Variants in DSCC1 observed in about 807,000 individuals in gnomAD.
DSCC1 encodes the protein DNA replication and sister chromatid cohesion 1.
Under a neutral mutation model 48.2 loss-of-function variants are expected in DSCC1, and 32 were observed. The ratio of observed to expected loss-of-function variants is 0.66; its 90% CI spans 0.50 to 0.89. DSCC1 has a LOEUF of 0.89. DSCC1 is among the 40% of genes least tolerant of loss of function. The probability of loss-of-function intolerance (pLI) is 0.00; values close to 1 mark genes in which losing one functional copy is unlikely to be tolerated. For synonymous variants in DSCC1, 150 were observed against 171.5 expected (o/e 0.87, Z 0.98); for missense variants, 421 against 471.7 (o/e 0.89, Z 1.00).
intron 1 of DSCC1, among the ~76,000 whole-genome samples, chr8:119,854,821 A>T (rs1177892905): frequency 4.6e-5 from 7 of 152,212 alleles, no homozygotes; most frequent in African/African-American, 1.2e-4. Context: ...CAGGTATCTG[A>T]AGAATGGCCA....
In DSCC1 at chr8:119,847,193, T is replaced by C. The variant is rs938476244; in HGVS notation, c.487-113A>G. On this transcript the variant is annotated intron_variant, in intron 3 of 8. Coordinates refer to ENST00000313655, the MANE Select transcript of DSCC1 (RefSeq NM_024094.3). ...ACAGATTAAGGCAATATTTATGCACTAGCTCAGTTTCTTTTGTTAACATGT... is the reference window on the plus strand; with the variant it reads ...ACAGATTAAGGCAATATTTATGCACCAGCTCAGTTTCTTTTGTTAACATGT... The C allele has an allele frequency of 8.9e-6, 7 of 787,168 alleles. No homozygotes were observed. In the African/African-American group the frequency reaches 1.2e-4, roughly 14 times the overall value. The allele number at this position is 787,168 out of a possible 1,614,324, so 48.8% of individuals were successfully genotyped here.
rs550292894 is a variant in DSCC1 at position 119,834,386 on chromosome 8, A to C, written c.*507T>G. 2.0e-5 allele frequency: 3 copies of C among 153,382 alleles called. No homozygotes were observed. Among genetic ancestry groups the C allele is most frequent in the Non-Finnish European group, 4.4e-5 (3 of 68,940 alleles). 9.5% of individuals were successfully genotyped at this position (153,382 alleles called of 1,614,324 possible). ...CAGGCAGAGGAGTAATTATTCAGCC[A>C]ATTTCATGGATGTAAACGATGGATA... is the stretch of plus-strand genomic sequence containing the variant. On this transcript the variant is annotated 3_prime_UTR_variant, in exon 9 of 9. Coordinates refer to ENST00000313655, the MANE Select transcript of DSCC1 (RefSeq NM_024094.3).
intron 7 of DSCC1, chr8:119,840,288 T>G (rs1008052295): frequency 6.6e-6 from 1 of 152,098 alleles, no homozygotes; most frequent in Non-Finnish European, 1.5e-5. Context: ...GAGAGTGCCA[T>G]GAAGGAAAGA....
At chr8:119,836,273 A>C (rs1315103644) in intron 8 of DSCC1, among the ~76,000 whole-genome samples, 4 of 152,304 alleles carry the variant, frequency 2.6e-5, no homozygotes, top group African/African-American at 9.6e-5. Flanking sequence ...ATATCACACC[A>C]CTGCACTCCA....
chr8:119,850,835 G>GA (rs1287716445), intron 2 of DSCC1, among the ~76,000 whole-genome samples: 1 of 152,028 alleles, frequency 6.6e-6, no homozygotes, highest in Non-Finnish European at 1.5e-5. Flanking sequence ...AAACCAAGTG[G>GA]AAACAACTAA....
At chr8:119,854,713 A>G (rs1586585405) in intron 1 of DSCC1, among the ~76,000 whole-genome samples, 1 of 152,300 alleles carries the variant, frequency 6.6e-6, no homozygotes, top group East Asian at 1.9e-4. Context: ...AAGTCCTCAC[A>G]CCTGAGTTCC....
In DSCC1 at chr8:119,855,836, T is replaced by G; in HGVS notation, c.-41A>C. ...AGGAGTCCCGCCGCGCCCGGGTGGC[T>G]GCGGGCTTGGCGGGCAAGAAAGAAG... On this transcript the variant is annotated 5_prime_UTR_variant, in exon 1 of 9. Transcript: ENST00000313655. 2 of 1,420,662 alleles carry G rather than the reference T, an allele frequency of 1.4e-6. No homozygotes were observed. Among genetic ancestry groups the G allele is most frequent in the Non-Finnish European group, 1.8e-6 (2 of 1,086,952 alleles). The allele number at this position is 1,420,662 out of a possible 1,614,324, so 88.0% of individuals were successfully genotyped here.
chr8:119,834,770 G>A lies in DSCC1; in HGVS notation c.*123C>T, dbSNP rs1826650016. 2 of 684,442 alleles carry A rather than the reference G, an allele frequency of 2.9e-6. No individual in the cohort carries two copies. Among genetic ancestry groups the A allele is most frequent in the Non-Finnish European group, 5.2e-6 (2 of 385,140 alleles). The allele number at this position is 684,442 out of a possible 1,614,324, so 42.4% of individuals were successfully genotyped here. On this transcript the variant is annotated 3_prime_UTR_variant, in exon 9 of 9. Transcript: ENST00000313655. The stretch of plus-strand genomic sequence containing the variant: ...ACAGTAGTTTCAAAATGCTTAAGAT[G>A]AGGAGAAAAATGCCTTAGAAGACTA...
chr8:119,855,598 C>A lies in DSCC1; in HGVS notation c.182+16G>T. 1 of 1,532,582 alleles carries A rather than the reference C, an allele frequency of 6.5e-7. No homozygotes were observed. Among genetic ancestry groups the A allele is most frequent in the Non-Finnish European group, 8.8e-7 (1 of 1,141,630 alleles). The allele number at this position is 1,532,582 out of a possible 1,614,324, so 94.9% of individuals were successfully genotyped here. On this transcript the variant is annotated intron_variant, in intron 1 of 8. Coordinates refer to ENST00000313655, the MANE Select transcript of DSCC1 (RefSeq NM_024094.3). ...GGCCGGCCAGAGGCTGGGGGCGCCGCGTGACCAGGGCTCACCTGTGTCCAT... is the reference window on the plus strand; with the variant it reads ...GGCCGGCCAGAGGCTGGGGGCGCCGAGTGACCAGGGCTCACCTGTGTCCAT...
rs757582457 is a variant in DSCC1 at position 119,855,778 on chromosome 8, G to T, written c.18C>A (p.Asp6Glu). ...CGATCTGCAGCGTCGCATCCACCTC[G>T]TCGCGGGTCCTCTTCATCGCAGCGC... Reference protein sequence around the residue: MKRTRDEVDATLQIAK... With the variant: MKRTREEVDATLQIAK... Residue 6 changes from aspartate to glutamate, a missense_variant, in exon 1 of 9, where the codon GAC (aspartate) becomes GAA (glutamate). Asp to Glu is a conservative substitution (Grantham distance 45). This residue lies in a region of DSCC1 where 174 missense variants were observed against 184.5 expected (regional missense o/e 0.94). Transcript: ENST00000313655. 3.9e-6 allele frequency: 6 copies of T among 1,545,896 alleles called. No homozygotes were observed. Among genetic ancestry groups the T allele is most frequent in the Non-Finnish European group, 4.4e-6 (5 of 1,146,562 alleles).
In DSCC1 at chr8:119,843,416, C is replaced by T. The variant is rs528681621; in HGVS notation, c.716+193G>A. 3.9e-5 allele frequency among the ~76,000 whole-genome samples: 6 copies of T among 152,166 alleles called. No individual in the cohort carries two copies. The South Asian group carries it at 1.2e-3, about 32-fold the overall frequency. Reference sequence around the variant, plus strand: ...TTCTTTATATTTTTATGGCCAAAAACAAACAAGATAATGCACATGTATTCA... The same window carrying T: ...TTCTTTATATTTTTATGGCCAAAAATAAACAAGATAATGCACATGTATTCA... On this transcript the variant is annotated intron_variant, in intron 5 of 8. Transcript: ENST00000313655.
chr8:119,848,424 TAA>T (rs781687238), intron 3 of DSCC1, among the ~76,000 whole-genome samples: 1 of 152,132 alleles, frequency 6.6e-6, no homozygotes, highest in Non-Finnish European at 1.5e-5. Context: ...AACTCAGTAA[TAA>T]AAAGATAAAT....
intron 1 of DSCC1, 39 bp downstream of exon 1, chr8:119,855,575 C>T (rs751821107): frequency 3.3e-5 from 50 of 1,518,544 alleles, no homozygotes; most frequent in Admixed American, 1.1e-4. Flanking sequence ...AATAACGTGG[C>T]CGGCCAGAGG....
intron 2 of DSCC1, 105 bp from the exon 3 acceptor site, chr8:119,850,621 T>C (rs1438176295): frequency 9.8e-7 from 1 of 1,016,590 alleles, no homozygotes; most frequent in Non-Finnish European, 1.4e-6. Context: ...CAAAGGAAGC[T>C]CCAAGGTATT....
At chr8:119,847,557 G>A (rs1235463957) in intron 3 of DSCC1, among the ~76,000 whole-genome samples, 2 of 152,140 alleles carry the variant, frequency 1.3e-5, no homozygotes, top group Admixed American at 6.5e-5. Context: ...TTGAGAAGAT[G>A]GAGAAGTTCT....
chr8:119,852,978 C>G (rs1033088055), intron 2 of DSCC1, 69 bp downstream of exon 2: 4 of 1,377,830 alleles, frequency 2.9e-6, no homozygotes, highest in Non-Finnish European at 3.8e-6. Context: ...AACTTTTTAA[C>G]TAAAGATCAA....
chr8:119,844,606 G>A (rs1270578614), intron 4 of DSCC1, among the ~76,000 whole-genome samples: 2 of 150,596 alleles, frequency 1.3e-5, no homozygotes, highest in Non-Finnish European at 3.0e-5. Context: ...CTTAGAGATG[G>A]GGTCTTACTC....
chr8:119,838,212 CTA>C (rs747900456), intron 8 of DSCC1, 45 bp downstream of exon 8: 230 of 1,499,776 alleles, frequency 1.5e-4, no homozygotes, highest in Middle Eastern at 3.7e-4. Context: ...GTGCCATTGA[CTA>C]TAAAAAGAAC....
intron 1 of DSCC1, among the ~76,000 whole-genome samples, chr8:119,854,156 A>G (rs1040465344): frequency 6.6e-6 from 1 of 152,112 alleles, no homozygotes; most frequent in Non-Finnish European, 1.5e-5. Flanking sequence ...TGGCACCATC[A>G]TGCAGAGAGC....
Sources: allele counts gnomAD v4.1 joint callset (sites outside exome capture counted in the v4.1 genomes callset), GRCh38; gene constraint gnomAD v4.1.1; regional missense constraint gnomAD v4.1.1; transcripts MANE v1.5; gene names NCBI Gene and HGNC (gene_info 2026-07-23, HGNC 2026-07-21).